ARIH1: variants seen among roughly 807,000 people sequenced by gnomAD.
The protein encoded by ARIH1 is E3 ubiquitin-protein ligase ARIH1.
ARIH1 carries 8 observed loss-of-function variants against 85.0 expected under a neutral mutation model. That is an observed-to-expected ratio of 0.09 (90% confidence interval 0.06 to 0.17). The LOEUF (loss-of-function observed/expected upper bound fraction) is 0.17. Among genes scored for constraint, ARIH1 ranks in the 10% least tolerant of loss-of-function variants. ARIH1 has a pLI of 1.00. For missense variants in ARIH1, 311 were observed against 718.1 expected (o/e 0.43, Z 6.48); for synonymous variants, 238 against 253.6 (o/e 0.94, Z 0.59).
intron 2 of ARIH1, among the ~76,000 whole-genome samples, chr15:72,525,842 T>C (rs1443792348): frequency 2.0e-5 from 3 of 152,068 alleles, no homozygotes; most frequent in African/African-American, 7.2e-5. Context: ...GGTCTTGCTA[T>C]GTTGTCCAGG....
chr15:72,563,286 T>G, intron 6 of ARIH1, 108 bp from the exon 7 acceptor site: 1 of 860,234 alleles, frequency 1.2e-6, no homozygotes, highest in Non-Finnish European at 1.9e-6. Flanking sequence ...CTGGAGTGCT[T>G]GACCTCAAAC....
intron 7 of ARIH1, among the ~76,000 whole-genome samples, chr15:72,565,550 A>G (rs1052303530): frequency 2.0e-5 from 3 of 152,228 alleles, no homozygotes; most frequent in African/African-American, 7.2e-5. Context: ...GAGATTAAGT[A>G]TGTGTAAAAT....
chr15:72,537,090 A>ATTT (rs1567350117), intron 2 of ARIH1, among the ~76,000 whole-genome samples: 1 of 148,500 alleles, frequency 6.7e-6, no homozygotes, highest in Non-Finnish European at 1.5e-5. Context: ...GTGAGTTCTC[A>ATTT]TTTTTGTTGT....
In ARIH1 at chr15:72,586,428, A is replaced by G. The variant is rs924588727; in HGVS notation, c.*3136A>G. On this transcript the variant is annotated 3_prime_UTR_variant, in exon 14 of 14. Coordinates refer to ENST00000379887, the MANE Select transcript of ARIH1 (RefSeq NM_005744.5). ...TTGATTAAATGCTCCTAACCCTGTA[A>G]TTTTGTGCATAGAGCACCCTATGCT... 3.3e-5 allele frequency: 5 copies of G among 152,192 alleles called. No homozygotes were observed. The highest frequency in any genetic ancestry group is 1.2e-4 in the African/African-American group (5 of 41,444). The allele number at this position is 152,192 out of a possible 1,614,324, so 9.4% of individuals were successfully genotyped here.
At chr15:72,484,665 GTGTA>G (rs759028611) in intron 1 of ARIH1, among the ~76,000 whole-genome samples, 8 of 150,954 alleles carry the variant, frequency 5.3e-5, no homozygotes, top group Non-Finnish European at 1.0e-4. Flanking sequence ...ATATATGTGT[GTGTA>G]TACATATATA....
At chr15:72,544,536 C>G (rs571699175) in intron 2 of ARIH1, among the ~76,000 whole-genome samples, 15 of 151,732 alleles carry the variant, frequency 9.9e-5, no homozygotes, top group Non-Finnish European at 1.8e-4. Flanking sequence ...AAAACTCAGT[C>G]TACTAGTTTA....
Position 72,570,409 on chromosome 15 carries a change from C to T in ARIH1, c.1157+102C>T, listed in dbSNP as rs144516467. ...TAGATATCACCATCTAACTTGCAAG[C>T]TAAATAAATACATAGTGTGTGATTA... is the stretch of plus-strand genomic sequence containing the variant. On this transcript the variant is annotated intron_variant, in intron 10 of 13. Coordinates refer to ENST00000379887, the MANE Select transcript of ARIH1 (RefSeq NM_005744.5). 2,576 of 1,385,084 alleles carry T rather than the reference C, an allele frequency of 1.9e-3. 4 individuals carry two copies. Among genetic ancestry groups the T allele is most frequent in the Non-Finnish European group, 2.3e-3 (2,312 of 1,003,554 alleles). 85.8% of individuals were successfully genotyped at this position (1,385,084 alleles called of 1,614,324 possible).
chr15:72,561,887 C>T (rs1391961711), intron 6 of ARIH1, among the ~76,000 whole-genome samples: 3 of 152,252 alleles, frequency 2.0e-5, no homozygotes, highest in Non-Finnish European at 2.9e-5. Flanking sequence ...GCAGGAGAAT[C>T]GCTTGAACCC....
intron 1 of ARIH1, among the ~76,000 whole-genome samples, chr15:72,516,258 A>G (rs1403258158): frequency 6.6e-6 from 1 of 152,212 alleles, no homozygotes; most frequent in East Asian, 1.9e-4. Context: ...GATGCCACAA[A>G]GTTATAGTCA....
At chr15:72,481,318 G>A (rs971375662) in intron 1 of ARIH1, among the ~76,000 whole-genome samples, 1 of 152,174 alleles carries the variant, frequency 6.6e-6, no homozygotes, top group Admixed American at 6.5e-5. Flanking sequence ...AACTGCTGAT[G>A]TAGTTGAAAT....
chr15:72,564,565 T>G (rs1336875021), intron 7 of ARIH1, among the ~76,000 whole-genome samples: 1 of 152,224 alleles, frequency 6.6e-6, no homozygotes, highest in African/African-American at 2.4e-5. Flanking sequence ...ACTTACTACC[T>G]AGTTTCAAAT....
intron 1 of ARIH1, among the ~76,000 whole-genome samples, chr15:72,499,036 A>G (rs2063892074): frequency 8.0e-6 from 1 of 125,348 alleles, no homozygotes; most frequent in South Asian, 2.6e-4. Flanking sequence ...GCTGGAGTGC[A>G]GTAGTGTGAT....
intron 1 of ARIH1, among the ~76,000 whole-genome samples, chr15:72,484,117 G>C (rs1038075025): frequency 5.4e-5 from 8 of 149,194 alleles, no homozygotes; most frequent in African/African-American, 2.0e-4. Flanking sequence ...AGGTTGCAGT[G>C]AGCCAAGATT....
chr15:72,547,055 G>A (rs2064132735), intron 3 of ARIH1, among the ~76,000 whole-genome samples: 1 of 151,678 alleles, frequency 6.6e-6, no homozygotes, highest in Non-Finnish European at 1.5e-5. Context: ...AGCCTCCCGA[G>A]TAGCTGGGAC....
At position 72,540,155 on chromosome 15, in the gene ARIH1, G is replaced by A. The variant is rs567381313; in HGVS notation, c.444-4665G>A. ...CGCCTGTAGTCCCAGGTACTTGGGA[G>A]GCTGAGGCAGGAGAATCGGTTGAAC... On this transcript the variant is annotated intron_variant, in intron 2 of 13. Coordinates refer to ENST00000379887, the MANE Select transcript of ARIH1 (RefSeq NM_005744.5). Among the ~76,000 whole-genome samples, 183 of 151,630 alleles carry A rather than the reference G, an allele frequency of 1.2e-3. 1 individual carries two copies. The highest frequency in any genetic ancestry group is 4.2e-3 in the African/African-American group (172 of 41,310).
At chr15:72,552,033 A>G (rs941749134) in intron 3 of ARIH1, among the ~76,000 whole-genome samples, 1 of 152,200 alleles carries the variant, frequency 6.6e-6, no homozygotes, top group South Asian at 2.1e-4. Flanking sequence ...AATGACGACA[A>G]TCTCTTTGCA....
At chr15:72,533,211 C>T (rs1192774036) in intron 2 of ARIH1, among the ~76,000 whole-genome samples, 1 of 152,092 alleles carries the variant, frequency 6.6e-6, no homozygotes, top group Non-Finnish European at 1.5e-5. Context: ...TCACTGCAGC[C>T]CCCTACCTGC....
Position 72,583,906 on chromosome 15 carries a change from A to C in ARIH1, c.*614A>C, listed in dbSNP as rs1337099531. On this transcript the variant is annotated 3_prime_UTR_variant, in exon 14 of 14. Transcript: ENST00000379887. The stretch of plus-strand genomic sequence containing the variant: ...ACAAGAGGACAACACAGTATTTTTC[A>C]AAATTGTATATAGCGCATATGCATG... The C allele has an allele frequency of 6.6e-6, 1 of 152,232 alleles. No individual in the cohort carries two copies. The highest frequency in any genetic ancestry group is 6.5e-5 in the Admixed American group (1 of 15,278). The allele number at this position is 152,232 out of a possible 1,614,324, so 9.4% of individuals were successfully genotyped here.
At chr15:72,562,895 TTA>T (rs2140432682) in intron 6 of ARIH1, among the ~76,000 whole-genome samples, 2 of 57,652 alleles carry the variant, frequency 3.5e-5, no homozygotes, top group Non-Finnish European at 5.8e-5. Context: ...TCAGTCATCT[TTA>T]AAAAAAAAAA....
Sources: gnomAD v4.1 joint callset for allele counts (sites outside exome capture counted in the v4.1 genomes callset) on GRCh38, gnomAD v4.1.1 for gene constraint, MANE v1.5 for transcripts, NCBI Gene and HGNC (gene_info 2026-07-23, HGNC 2026-07-21) for gene names.